The following GATAD2B variants were observed in gnomAD, a reference collection of about 807,000 sequenced individuals.
GATAD2B encodes the protein GATA zinc finger domain containing 2B.
Under a neutral mutation model 64.3 loss-of-function variants are expected in GATAD2B, and 8 were observed. The ratio of observed to expected loss-of-function variants is 0.12; its 90% CI spans 0.07 to 0.22. The LOEUF (loss-of-function observed/expected upper bound fraction) is 0.22. Among genes scored for constraint, GATAD2B ranks in the 10% least tolerant of loss-of-function variants. GATAD2B has a pLI of 1.00. For missense variants in GATAD2B, 453 were observed against 752.0 expected (o/e 0.60, Z 4.65); for synonymous variants, 281 against 271.3 (o/e 1.04, Z -0.35).
Position 153,910,137 on chromosome 1 carries a change from T to G in GATAD2B, c.-2+12596A>C, listed in dbSNP as rs187408898. The stretch of plus-strand genomic sequence containing the variant: ...TCAAAATAATAATAATAATAATAAT[T>G]TTTTAAAAAGTAATGTTATATGTAT... On this transcript the variant is annotated intron_variant, in intron 1 of 10. Coordinates refer to ENST00000368655, the MANE Select transcript of GATAD2B (RefSeq NM_020699.4). Among the ~76,000 whole-genome samples, 522 of 151,912 alleles carry G rather than the reference T, an allele frequency of 3.4e-3. 6 individuals are homozygous for G. Among genetic ancestry groups the G allele is most frequent in the African/African-American group, 0.012 (503 of 41,450 alleles).
intron 1 of GATAD2B, chr1:153,853,122 A>G: frequency 6.9e-7 from 1 of 1,451,134 alleles, no homozygotes. Context: ...TGGCTGATTC[A>G]GAATAGGCAG....
At chr1:153,821,880 A>G (rs905166959) in intron 2 of GATAD2B, among the ~76,000 whole-genome samples, 6 of 151,606 alleles carry the variant, frequency 4.0e-5, no homozygotes, top group Admixed American at 4.0e-4. Flanking sequence ...TTCATTTTTA[A>G]AGCGTGATTT....
At chr1:153,850,025 C>G (rs923596778) in intron 1 of GATAD2B, among the ~76,000 whole-genome samples, 1 of 152,102 alleles carries the variant, frequency 6.6e-6, no homozygotes, top group Non-Finnish European at 1.5e-5. Context: ...GACTCTTATT[C>G]ATGGTAAATG....
chr1:153,839,210 G>A (rs182819677), intron 1 of GATAD2B, among the ~76,000 whole-genome samples: 1 of 151,270 alleles, frequency 6.6e-6, no homozygotes. Context: ...TAAACTTGCT[G>A]TTGGACTCCT....
At chr1:153,894,629 G>A (rs1338798604) in intron 1 of GATAD2B, among the ~76,000 whole-genome samples, 3 of 151,718 alleles carry the variant, frequency 2.0e-5, no homozygotes, top group African/African-American at 7.3e-5. Context: ...TTGGGAGGCC[G>A]AGACAGGCAG....
chr1:153,867,108 A>C (rs1011474277), intron 1 of GATAD2B, among the ~76,000 whole-genome samples: 15 of 152,058 alleles, frequency 9.9e-5, no homozygotes, highest in Admixed American at 5.9e-4. Flanking sequence ...GGATTACCTT[A>C]GAGGTTGGAA....
intron 1 of GATAD2B, among the ~76,000 whole-genome samples, chr1:153,848,311 A>C (rs1211494921): frequency 6.6e-6 from 1 of 152,218 alleles, no homozygotes; most frequent in African/African-American, 2.4e-5. Flanking sequence ...TATTTTTTCC[A>C]GGTCACTAAT....
At chr1:153,874,762 A>G (rs560060438) in intron 1 of GATAD2B, among the ~76,000 whole-genome samples, 9 of 151,656 alleles carry the variant, frequency 5.9e-5, no homozygotes, top group African/African-American at 1.9e-4. Flanking sequence ...TTTTTAGTAG[A>G]GACAGGGTTT....
intron 1 of GATAD2B, among the ~76,000 whole-genome samples, chr1:153,883,047 G>A (rs1463417980): frequency 6.6e-6 from 1 of 152,020 alleles, no homozygotes; most frequent in Non-Finnish European, 1.5e-5. Flanking sequence ...AGGGGGGAGG[G>A]ATTTTCTTAC....
At chr1:153,876,181 T>C (rs912324047) in intron 1 of GATAD2B, among the ~76,000 whole-genome samples, 9 of 122,402 alleles carry the variant, frequency 7.4e-5, no homozygotes, top group African/African-American at 2.8e-4. Flanking sequence ...TGAGCTGAGA[T>C]CGCGCCACTA....
At chr1:153,834,128 G>A (rs1008312310) in intron 1 of GATAD2B, among the ~76,000 whole-genome samples, 2 of 151,456 alleles carry the variant, frequency 1.3e-5, no homozygotes, top group African/African-American at 4.9e-5. Flanking sequence ...TCAGCCTTCC[G>A]TGCAGCTGGG....
chr1:153,888,202 G>A (rs1237243599), intron 1 of GATAD2B, among the ~76,000 whole-genome samples: 1 of 151,998 alleles, frequency 6.6e-6, no homozygotes, highest in Non-Finnish European at 1.5e-5. Context: ...GATGTGTCTA[G>A]GCCAATCTCT....
chr1:153,830,755 G>A (rs1675051853), intron 1 of GATAD2B, among the ~76,000 whole-genome samples: 1 of 151,584 alleles, frequency 6.6e-6, no homozygotes, highest in Non-Finnish European at 1.5e-5. Context: ...GATTACAGGC[G>A]TGAGCCACCG....
chr1:153,841,843 C>T (rs1233723494), intron 1 of GATAD2B, among the ~76,000 whole-genome samples: 1 of 152,126 alleles, frequency 6.6e-6, no homozygotes, highest in Non-Finnish European at 1.5e-5. Flanking sequence ...AGTGAATGTT[C>T]GGTTTTATAA....
At chr1:153,811,298 G>A (rs1002937717) in intron 10 of GATAD2B, among the ~76,000 whole-genome samples, 1 of 152,212 alleles carries the variant, frequency 6.6e-6, no homozygotes, top group South Asian at 2.1e-4. Flanking sequence ...ACATGCTTCT[G>A]ATGGTATGGG....
chr1:153,905,553 GAAAAAAAAA>G (rs769120730), intron 1 of GATAD2B, among the ~76,000 whole-genome samples: 3 of 64,660 alleles, frequency 4.6e-5, no homozygotes, highest in Non-Finnish European at 6.3e-5. Context: ...AACAATTTTG[GAAAAAAAAA>G]AAAAAAAAAA....
At chr1:153,849,554 G>A (rs1675815350) in intron 1 of GATAD2B, among the ~76,000 whole-genome samples, 1 of 152,168 alleles carries the variant, frequency 6.6e-6, no homozygotes. Context: ...GTCATTCTTA[G>A]TTCCTCTTTC....
At chr1:153,848,981 C>CA (rs199844348) in intron 1 of GATAD2B, among the ~76,000 whole-genome samples, 2 of 151,724 alleles carry the variant, frequency 1.3e-5, no homozygotes, top group Admixed American at 6.6e-5. Flanking sequence ...AAACCCCCCC[C>CA]CTCCCCCAGA....
At chr1:153,898,306 C>CAAA (rs11373311) in intron 1 of GATAD2B, among the ~76,000 whole-genome samples, 7 of 80,754 alleles carry the variant, frequency 8.7e-5, no homozygotes, top group Admixed American at 3.9e-4. Flanking sequence ...CAGCCTGTCT[C>CAAA]AAAAAAAAAA....
Sources: allele counts gnomAD v4.1 joint callset (sites outside exome capture counted in the v4.1 genomes callset), GRCh38; gene constraint gnomAD v4.1.1; transcripts MANE v1.5; gene names NCBI Gene and HGNC (gene_info 2026-07-23, HGNC 2026-07-21).